MARK1: variants seen among roughly 807,000 people sequenced by gnomAD.
The protein encoded by MARK1 is serine/threonine-protein kinase MARK1.
Under a neutral mutation model 96.3 loss-of-function variants are expected in MARK1, and 40 were observed. The observed-to-expected ratio is 0.42, with a 90% CI of 0.32 to 0.54. The LOEUF (loss-of-function observed/expected upper bound fraction) is 0.54, where lower values mean the gene tolerates loss of function less well. Among genes scored for constraint, MARK1 ranks in the 20% least tolerant of loss-of-function variants. The pLI is 0.16. For synonymous variants in MARK1, 317 were observed against 341.2 expected (o/e 0.93, Z 0.78); for missense variants, 719 against 984.6 (o/e 0.73, Z 3.61).
At chr1:220,584,128 G>T (rs1167727918) in intron 3 of MARK1, among the ~76,000 whole-genome samples, 3 of 152,150 alleles carry the variant, frequency 2.0e-5, no homozygotes, top group African/African-American at 7.2e-5. Flanking sequence ...GACAAAGTTT[G>T]TGTCAGTCTG....
At position 220,618,896 on chromosome 1, in the gene MARK1, C is replaced by A; in HGVS notation, c.909+141C>A. On this transcript the variant is annotated intron_variant, in intron 9 of 17. Coordinates refer to ENST00000366917, the MANE Select transcript of MARK1 (RefSeq NM_018650.5). The surrounding 1 kb of genome is among the most constrained non-coding windows in gnomAD (Gnocchi z 4.6). ...TTTTGTTTGTAGGTAGGGAAAATTA[C>A]ATGACTTTTTTTCACTTTCAAAAGT... The A allele has an allele frequency of 1.4e-6, 1 of 705,344 alleles. No homozygotes were observed. The highest frequency in any genetic ancestry group is 2.2e-6 in the Non-Finnish European group (1 of 452,860). 43.7% of individuals were successfully genotyped at this position (705,344 alleles called of 1,614,324 possible). A position where few individuals can be genotyped will look rare whatever the true frequency, so the allele number is the denominator to read the frequency against.
intron 9 of MARK1, chr1:220,626,569 C>G: frequency 4.7e-6 from 2 of 423,576 alleles, no homozygotes; most frequent in Middle Eastern, 8.3e-4. Context: ...CATGCCTGTT[C>G]TCAGCATTTT....
intron 1 of MARK1, among the ~76,000 whole-genome samples, chr1:220,575,039 A>G (rs982451766): frequency 3.3e-5 from 5 of 152,244 alleles, no homozygotes; most frequent in African/African-American, 1.2e-4. Context: ...CTAAGGATGT[A>G]TAGCCAGTGA....
At chr1:220,651,492 A>G (rs1252793288) in intron 14 of MARK1, among the ~76,000 whole-genome samples, 1 of 152,208 alleles carries the variant, frequency 6.6e-6, no homozygotes, top group Non-Finnish European at 1.5e-5. Flanking sequence ...TTTAATCTGC[A>G]GCTCCTTTAA....
At chr1:220,585,995 A>ACGCGCG (rs1424781568) in intron 3 of MARK1, among the ~76,000 whole-genome samples, 2 of 23,472 alleles carry the variant, frequency 8.5e-5, no homozygotes, top group African/African-American at 1.1e-4. Flanking sequence ...ACACACACAC[A>ACGCGCG]CACACACACA....
chr1:220,613,180 C>T (rs1204344732), intron 6 of MARK1, among the ~76,000 whole-genome samples: 2 of 152,056 alleles, frequency 1.3e-5, no homozygotes, highest in African/African-American at 4.8e-5. Context: ...TAAAATAATG[C>T]AGTAAAAATT....
intron 1 of MARK1, among the ~76,000 whole-genome samples, chr1:220,577,522 A>C (rs940441074): frequency 6.6e-6 from 1 of 152,220 alleles, no homozygotes; most frequent in Non-Finnish European, 1.5e-5. Context: ...CATGCATCAG[A>C]ATCACCTGGA....
At chr1:220,554,323 A>G (rs1258250993) in intron 1 of MARK1, among the ~76,000 whole-genome samples, 1 of 152,164 alleles carries the variant, frequency 6.6e-6, no homozygotes. Context: ...TGTGCACTAG[A>G]TCAGCGCTTC....
intron 3 of MARK1, among the ~76,000 whole-genome samples, chr1:220,586,036 G>A (rs563347064): frequency 7.4e-6 from 1 of 135,326 alleles, no homozygotes; most frequent in Non-Finnish European, 1.7e-5. Context: ...GAGAGAGAGA[G>A]TTTAAAATGT....
At chr1:220,657,037 G>A (rs1302027827) in intron 16 of MARK1, among the ~76,000 whole-genome samples, 2 of 152,062 alleles carry the variant, frequency 1.3e-5, no homozygotes, top group Non-Finnish European at 2.9e-5. Flanking sequence ...GATTCAAGTT[G>A]GTGATTTTTC....
intron 13 of MARK1, among the ~76,000 whole-genome samples, chr1:220,637,967 G>C (rs777641502): frequency 6.6e-6 from 1 of 152,116 alleles, no homozygotes; most frequent in African/African-American, 2.4e-5. Context: ...ATATGGTTAT[G>C]TATATTTGAA....
chr1:220,537,090 A>AG (rs1660748255), intron 1 of MARK1, among the ~76,000 whole-genome samples: 2 of 148,008 alleles, frequency 1.4e-5, no homozygotes, highest in South Asian at 4.3e-4. Context: ...CCTATCACCT[A>AG]GTTTTTTTTT....
Position 220,532,746 on chromosome 1 carries a change from C to G in MARK1, c.51+3873C>G, listed in dbSNP as rs1318994019. 2.0e-5 allele frequency among the ~76,000 whole-genome samples: 3 copies of G among 151,898 alleles called. No individual in the cohort carries two copies. In the East Asian group the frequency reaches 5.8e-4, roughly 29 times the overall value. On this transcript the variant is annotated intron_variant, in intron 1 of 17. Coordinates refer to ENST00000366917, the MANE Select transcript of MARK1 (RefSeq NM_018650.5). ...AAGAGTTTAGAAGAGTGGCTCATGC[C>G]TCTAATCCCAGCACTTTGTGGGGCC...
At chr1:220,567,998 T>G (rs1368172378) in intron 1 of MARK1, among the ~76,000 whole-genome samples, 1 of 152,130 alleles carries the variant, frequency 6.6e-6, no homozygotes, top group Non-Finnish European at 1.5e-5. Context: ...TGAATTTAGG[T>G]ACACCCCTCT....
intron 7 of MARK1, among the ~76,000 whole-genome samples, chr1:220,616,853 T>G (rs1347758637): frequency 2.0e-5 from 3 of 152,198 alleles, no homozygotes; most frequent in African/African-American, 7.2e-5. Context: ...CTTCTGTGTT[T>G]AACTCCCAGT....
chr1:220,653,484 AG>A lies in MARK1; in HGVS notation c.1988+133del, dbSNP rs1317237508. On this transcript the variant is annotated intron_variant, in intron 16 of 17. Coordinates refer to ENST00000366917, the MANE Select transcript of MARK1 (RefSeq NM_018650.5). ...TTTCATTAGAGCTGCTCTTTTACAG[AG>A]TTGGAAGAAAAAAATCTAGGAAGAC... is the stretch of plus-strand genomic sequence containing the variant. The A allele has an allele frequency of 2.7e-5, 25 of 938,282 alleles. No homozygotes were observed. In the East Asian group the frequency reaches 6.7e-4, roughly 25 times the overall value. The allele number at this position is 938,282 out of a possible 1,614,324, so 58.1% of individuals were successfully genotyped here.
chr1:220,615,360 C>G (rs115085285), intron 6 of MARK1, among the ~76,000 whole-genome samples: 1 of 152,028 alleles, frequency 6.6e-6, no homozygotes, highest in East Asian at 1.9e-4. Flanking sequence ...TCATTTTTCC[C>G]TCTTTTCTGT....
chr1:220,629,823 C>G (rs1038772862), intron 9 of MARK1, among the ~76,000 whole-genome samples: 1 of 152,082 alleles, frequency 6.6e-6, no homozygotes, highest in African/African-American at 2.4e-5. Flanking sequence ...TATTTATGTA[C>G]CACATTTTCT....
intron 13 of MARK1, among the ~76,000 whole-genome samples, chr1:220,641,195 A>T (rs1198578799): frequency 1.3e-5 from 2 of 152,238 alleles, no homozygotes; most frequent in Non-Finnish European, 2.9e-5. Context: ...ATATAAAATG[A>T]TGTAAACCAC....
Sources: gnomAD v4.1 joint callset for allele counts (sites outside exome capture counted in the v4.1 genomes callset) on GRCh38, gnomAD v4.1.1 for gene constraint, Gnocchi (gnomAD v3.1) non-coding constraint, MANE v1.5 for transcripts, NCBI Gene and HGNC (gene_info 2026-07-23, HGNC 2026-07-21) for gene names.